The following CSMD1 variants were observed in gnomAD, a reference collection of about 807,000 sequenced individuals.
The protein encoded by CSMD1 is CUB and Sushi multiple domains 1, also known as CUB and sushi domain-containing protein 1.
CSMD1 carries 213 observed loss-of-function variants against 417.5 expected under a neutral mutation model. The observed-to-expected ratio is 0.51, with a 90% CI of 0.46 to 0.57. The LOEUF (loss-of-function observed/expected upper bound fraction) is 0.57. Ranked by LOEUF, CSMD1 falls within the 20% of genes least tolerant of loss-of-function variation. The pLI, the probability that CSMD1 is intolerant of heterozygous loss-of-function variation, is 0.00. For synonymous variants in CSMD1, 2,862 were observed against 1,736.8 expected, an observed-to-expected ratio of 1.65 and a Z score of -16.11; for missense variants, 6,923 against 4,529.7, an observed-to-expected ratio of 1.53 and a Z score of -15.17.
intron 41 of CSMD1, chr8:3,128,927 G>C: frequency 2.3e-6 from 1 of 436,794 alleles, no homozygotes; most frequent in Non-Finnish European, 4.5e-6. Flanking sequence ...AGGGAAAGCA[G>C]ATCTAAGGGT....
At position 3,197,505 on chromosome 8, in the gene CSMD1, A is replaced by C. The variant is rs6558728; in HGVS notation, c.5194+2209T>G. Among the ~76,000 whole-genome samples, 7 of 140,856 alleles carry C rather than the reference A, an allele frequency of 5.0e-5. No homozygotes were observed. In the Admixed American group the frequency reaches 5.3e-4, roughly 11 times the overall value. 92.4% of individuals were successfully genotyped at this position (140,856 alleles called of 152,430 possible). A position where few individuals can be genotyped will look rare whatever the true frequency, so the allele number is the denominator to read the frequency against. On this transcript the variant is annotated intron_variant, in intron 33 of 69. Coordinates refer to ENST00000635120, the MANE Select transcript of CSMD1 (RefSeq NM_033225.6). The stretch of plus-strand genomic sequence containing the variant: ...TTTTGAGACGGAGTCTCGCTCTGTC[A>C]CCCAGGCTGGAGTGCAGTGGCGCGA...
chr8:3,720,620 T>TACACACACACAC (rs1554520854), intron 6 of CSMD1, among the ~76,000 whole-genome samples: 163 of 143,410 alleles, frequency 1.1e-3, no homozygotes, highest in African/African-American at 3.9e-3. Context: ...TCTTTATTCT[T>TACACACACACAC]ACACACACAC....
At chr8:4,239,055 A>T (rs751457842) in intron 3 of CSMD1, among the ~76,000 whole-genome samples, 10 of 152,192 alleles carry the variant, frequency 6.6e-5, no homozygotes, top group Non-Finnish European at 1.5e-4. Flanking sequence ...CACATCCCTG[A>T]ACAAAAATAA....
rs1563419612 is a variant in CSMD1 at position 4,303,420 on chromosome 8, C to CTT, written c.415+116532_415+116533insAA. 7.5e-4 allele frequency among the ~76,000 whole-genome samples: 69 copies of CTT among 92,298 alleles called. 3 individuals carry two copies. Among genetic ancestry groups the CTT allele is most frequent in the East Asian group, 1.1e-3 (3 of 2,770 alleles). The allele number at this position is 92,298 out of a possible 152,430, so 60.6% of individuals were successfully genotyped here. On this transcript the variant is annotated intron_variant, in intron 3 of 69. Transcript: ENST00000635120. Reference sequence around the variant, plus strand: ...TCTCATTTATATATTGGGCAGGAAGCTGTTTTTTTTTTTTTTTTTTTTTTT... The same window carrying CTT: ...TCTCATTTATATATTGGGCAGGAAGCTTTGTTTTTTTTTTTTTTTTTTTTTTT...
At chr8:3,941,859 C>A (rs1411779103) in intron 5 of CSMD1, among the ~76,000 whole-genome samples, 1 of 152,090 alleles carries the variant, frequency 6.6e-6, no homozygotes, top group Non-Finnish European at 1.5e-5. Context: ...GGTCCCCAAC[C>A]CTGGCTATGG....
chr8:3,174,375 G>C (rs1820778120), intron 37 of CSMD1, among the ~76,000 whole-genome samples: 2 of 152,126 alleles, frequency 1.3e-5, no homozygotes, highest in South Asian at 4.1e-4. Context: ...TTTGCCTTCA[G>C]TCCCAGCTAC....
rs1206585551 is a variant in CSMD1, at chr8:3,406,044, G to A, written c.2249C>T (p.Thr750Ile). The A allele has an allele frequency of 6.2e-7, 1 of 1,613,756 alleles. No homozygotes were observed. Among genetic ancestry groups the A allele is most frequent in the Non-Finnish European group, 8.5e-7 (1 of 1,179,848 alleles). Residue 750 changes from threonine (T) to isoleucine (I), a missense_variant, in exon 15 of 70, where the codon ACC (threonine) becomes ATC (isoleucine). Coordinates refer to ENST00000635120, the MANE Select transcript of CSMD1 (RefSeq NM_033225.6). ...GACTGCACCTTCACAGCGGGGCACG[G>A]TGGAGCTCCAGACCACGTTCCCGTC... is the stretch of plus-strand genomic sequence containing the variant. ...LQDGNVVWSS[T>I]VPRCEAPCGG...
chr8:3,879,677 G>T (rs1047420740), intron 5 of CSMD1, among the ~76,000 whole-genome samples: 1 of 152,086 alleles, frequency 6.6e-6, no homozygotes, highest in African/African-American at 2.4e-5. Flanking sequence ...ATTTCTTGAC[G>T]TCACATAGTT....
At chr8:3,722,234 G>T (rs991150823) in intron 6 of CSMD1, among the ~76,000 whole-genome samples, 6 of 151,996 alleles carry the variant, frequency 3.9e-5, no homozygotes, top group Non-Finnish European at 8.8e-5. Flanking sequence ...GCTTGACCAG[G>T]GAGGCAGAGA....
chr8:3,243,952 G>A (rs1799714467), intron 26 of CSMD1, among the ~76,000 whole-genome samples: 1 of 152,054 alleles, frequency 6.6e-6, no homozygotes, highest in South Asian at 2.1e-4. Context: ...GTTGACCGAG[G>A]TATTAGTTCA....
At chr8:4,348,519 G>T (rs1469195369) in intron 3 of CSMD1, among the ~76,000 whole-genome samples, 2 of 150,758 alleles carry the variant, frequency 1.3e-5, no homozygotes, top group South Asian at 2.1e-4. Flanking sequence ...TATCTGCAAA[G>T]ATTTTGAGAG....
At chr8:4,019,665 G>A (rs1036093788) in intron 4 of CSMD1, among the ~76,000 whole-genome samples, 3 of 152,110 alleles carry the variant, frequency 2.0e-5, no homozygotes, top group South Asian at 2.1e-4. Flanking sequence ...ACTTAAAGTG[G>A]CAGTTGTCTG....
intron 23 of CSMD1, among the ~76,000 whole-genome samples, chr8:3,330,800 T>G (rs1290455216): frequency 6.6e-6 from 1 of 152,218 alleles, no homozygotes; most frequent in Admixed American, 6.5e-5. Context: ...ATTTTGAATT[T>G]TGTTGCTCTC....
chr8:3,259,216 C>T (rs1266814162), intron 26 of CSMD1, among the ~76,000 whole-genome samples: 1 of 152,186 alleles, frequency 6.6e-6, no homozygotes, highest in Non-Finnish European at 1.5e-5. Flanking sequence ...CCTAAATAAT[C>T]TGAAAGGCGT....
intron 3 of CSMD1, among the ~76,000 whole-genome samples, chr8:4,218,426 C>A (rs1800816927): frequency 1.3e-5 from 2 of 152,104 alleles, no homozygotes; most frequent in South Asian, 4.2e-4. Flanking sequence ...ATATTATATA[C>A]CTACTTTTAT....
intron 26 of CSMD1, among the ~76,000 whole-genome samples, chr8:3,267,299 G>A (rs1424736221): frequency 1.3e-5 from 2 of 152,208 alleles, no homozygotes; most frequent in Non-Finnish European, 1.5e-5. Context: ...CTCACAAGGC[G>A]TGATATCCCA....
At chr8:3,716,188 A>G (rs754945808) in intron 6 of CSMD1, among the ~76,000 whole-genome samples, 3 of 152,174 alleles carry the variant, frequency 2.0e-5, no homozygotes, top group African/African-American at 4.8e-5. Flanking sequence ...GGTGTTGCCT[A>G]TGGCACTTTA....
chr8:3,200,296 T>C (rs1796926342), intron 32 of CSMD1, among the ~76,000 whole-genome samples: 1 of 152,116 alleles, frequency 6.6e-6, no homozygotes, highest in Non-Finnish European at 1.5e-5. Flanking sequence ...GGCTCACACC[T>C]GTAATCCCAG....
intron 5 of CSMD1, among the ~76,000 whole-genome samples, chr8:3,990,762 G>A (rs568809302): frequency 1.3e-5 from 2 of 152,248 alleles, no homozygotes; most frequent in African/African-American, 4.8e-5. Context: ...GCACCTGCTG[G>A]TGAGTCCATC....
Sources: allele counts gnomAD v4.1 joint callset (sites outside exome capture counted in the v4.1 genomes callset), GRCh38; gene constraint gnomAD v4.1.1; transcripts MANE v1.5; gene names NCBI Gene and HGNC (gene_info 2026-07-23, HGNC 2026-07-21).